CSMD2: variants seen among roughly 807,000 people sequenced by gnomAD.
CSMD2 encodes the protein CUB and Sushi multiple domains 2, also known as CUB and sushi domain-containing protein 2.
Under a neutral mutation model 398.5 loss-of-function variants are expected in CSMD2, and 130 were observed. The observed-to-expected ratio is 0.33, with a 90% confidence interval of 0.28 to 0.38. The LOEUF (loss-of-function observed/expected upper bound fraction) is 0.38, where lower values mean the gene tolerates loss of function less well. Among genes scored for constraint, CSMD2 ranks in the 10% least tolerant of loss-of-function variants. The pLI is 1.00. For synonymous variants in CSMD2, 1,828 were observed against 1,908.5 expected (o/e 0.96, Z 1.10); for missense variants, 3,829 against 4,764.9 (o/e 0.80, Z 5.78).
intron 56 of CSMD2, among the ~76,000 whole-genome samples, chr1:33,548,804 A>T (rs1657152451): frequency 6.7e-6 from 1 of 148,540 alleles, no homozygotes; most frequent in South Asian, 2.2e-4. Flanking sequence ...GAGGCTGGAG[A>T]GGCAATGTAC....
intron 15 of CSMD2, among the ~76,000 whole-genome samples, chr1:33,737,452 CTTA>C (rs1646920187): frequency 6.6e-6 from 1 of 152,186 alleles, no homozygotes; most frequent in Admixed American, 6.5e-5. Flanking sequence ...ATGGCCAACA[CTTA>C]TTGAGTGTTA....
At chr1:33,553,441 C>T (rs554592472) in intron 55 of CSMD2, among the ~76,000 whole-genome samples, 2 of 152,310 alleles carry the variant, frequency 1.3e-5, no homozygotes, top group African/African-American at 4.8e-5. Flanking sequence ...GACTGCTACA[C>T]CAACTGGCCA....
At chr1:33,646,877 A>C (rs368117115) in intron 28 of CSMD2, 42 bp from the exon 29 acceptor site, 2 of 1,565,628 alleles carry the variant, frequency 1.3e-6, no homozygotes. Flanking sequence ...ACTAAGGTCA[A>C]ATAAAGGCTT....
intron 5 of CSMD2, among the ~76,000 whole-genome samples, chr1:33,859,037 T>C (rs1639299982): frequency 6.6e-6 from 1 of 152,218 alleles, no homozygotes. Context: ...GTCTTCTTCA[T>C]TAACACAAGC....
intron 64 of CSMD2, among the ~76,000 whole-genome samples, chr1:33,530,591 A>T (rs1199615559): frequency 2.0e-5 from 3 of 152,204 alleles, no homozygotes; most frequent in African/African-American, 7.2e-5. Flanking sequence ...ACCATTATGG[A>T]GTATATATCC....
chr1:34,085,378 CAATAATAATAAT>C (rs60890896), intron 2 of CSMD2, among the ~76,000 whole-genome samples: 6 of 149,224 alleles, frequency 4.0e-5, no homozygotes, highest in African/African-American at 1.2e-4. Flanking sequence ...CTTAAAAGTA[CAATAATAATAAT>C]AATAATAATA....
chr1:33,580,610 A>C, intron 48 of CSMD2, 143 bp downstream of exon 48: 1 of 762,568 alleles, frequency 1.3e-6, no homozygotes. Context: ...GGAATAGAAA[A>C]ATAGGAGGTA....
At chr1:33,917,452 C>T (rs182423485) in intron 5 of CSMD2, among the ~76,000 whole-genome samples, 1 of 152,198 alleles carries the variant, frequency 6.6e-6, no homozygotes, top group African/African-American at 2.4e-5. Flanking sequence ...TCAATTTGAG[C>T]ACATCCTGCA....
intron 62 of CSMD2, among the ~76,000 whole-genome samples, chr1:33,534,687 G>C (rs1655595535): frequency 6.6e-6 from 1 of 152,202 alleles, no homozygotes; most frequent in Admixed American, 6.5e-5. Flanking sequence ...ATGTGCAAAT[G>C]CAATGTGTAA....
chr1:33,895,825 T>C (rs1642351710), intron 5 of CSMD2, among the ~76,000 whole-genome samples: 1 of 152,146 alleles, frequency 6.6e-6, no homozygotes, highest in South Asian at 2.1e-4. Context: ...CAGCCAGGTC[T>C]TTCTGGGTTA....
intron 60 of CSMD2, 152 bp downstream of exon 60, chr1:33,540,373 C>T: frequency 4.3e-6 from 3 of 705,674 alleles, no homozygotes; most frequent in South Asian, 3.9e-5. Flanking sequence ...CTTTCCACTT[C>T]CTTCCCTCTT....
At chr1:33,725,776 T>C (rs2149206561) in intron 16 of CSMD2, among the ~76,000 whole-genome samples, 1 of 152,274 alleles carries the variant, frequency 6.6e-6, no homozygotes, top group Admixed American at 6.5e-5. Context: ...GCCTGATCTG[T>C]GAGCCAGCTT....
At position 33,633,377 on chromosome 1, in the gene CSMD2, G is replaced by A; in HGVS notation, c.5200+45C>T. The A allele has an allele frequency of 7.1e-7, 1 of 1,408,024 alleles. No individual in the cohort carries two copies. Among genetic ancestry groups the A allele is most frequent in the Non-Finnish European group, 9.8e-7 (1 of 1,017,646 alleles). The allele number at this position is 1,408,024 out of a possible 1,614,324, so 87.2% of individuals were successfully genotyped here. A position where few individuals can be genotyped will look rare whatever the true frequency, so the allele number is the denominator to read the frequency against. Reference sequence around the variant, plus strand: ...CCTCCTTCCTTTAGCCGGACGTGATGCCCCCGGCCCACAACCATCCCCACA... The same window carrying A: ...CCTCCTTCCTTTAGCCGGACGTGATACCCCCGGCCCACAACCATCCCCACA... On this transcript the variant is annotated intron_variant, in intron 32 of 70. Coordinates refer to ENST00000373381, the MANE Select transcript of CSMD2 (RefSeq NM_001281956.2). The surrounding 1 kb of genome is among the most constrained non-coding windows in gnomAD (Gnocchi z 5.0).
intron 5 of CSMD2, among the ~76,000 whole-genome samples, chr1:33,908,816 G>C (rs965977837): frequency 6.6e-6 from 1 of 152,164 alleles, no homozygotes; most frequent in Non-Finnish European, 1.5e-5. Context: ...ACTGCTCCGC[G>C]GCAGAGCTTG....
intron 15 of CSMD2, among the ~76,000 whole-genome samples, chr1:33,737,992 C>A (rs1204194317): frequency 6.6e-6 from 1 of 151,982 alleles, no homozygotes; most frequent in South Asian, 2.1e-4. Flanking sequence ...CCAGCTTGGG[C>A]CCCTCTCACT....
intron 13 of CSMD2, among the ~76,000 whole-genome samples, chr1:33,757,990 T>G (rs1275269120): frequency 6.6e-6 from 1 of 152,238 alleles, no homozygotes; most frequent in African/African-American, 2.4e-5. Context: ...ACTCACAAAT[T>G]CTTTTGCTGT....
intron 13 of CSMD2, among the ~76,000 whole-genome samples, chr1:33,760,632 CATAT>C (rs911561661): frequency 2.0e-5 from 3 of 152,114 alleles, no homozygotes; most frequent in Non-Finnish European, 4.4e-5. Context: ...TCTTTCCCCT[CATAT>C]ATAAAAATGG....
At chr1:33,730,499 A>C (rs1646683882) in intron 15 of CSMD2, among the ~76,000 whole-genome samples, 1 of 152,180 alleles carries the variant, frequency 6.6e-6, no homozygotes, top group Admixed American at 6.5e-5. Flanking sequence ...AGCAGAGTGA[A>C]ATAAATGAAT....
At chr1:34,115,871 T>C (rs705217) in intron 1 of CSMD2, among the ~76,000 whole-genome samples, 115 of 151,826 alleles carry the variant, frequency 7.6e-4, no homozygotes, top group East Asian at 9.7e-4. Context: ...TGAGGCTTAT[T>C]ATCAGTCTAA....
Sources: gnomAD v4.1 joint callset for allele counts (sites outside exome capture counted in the v4.1 genomes callset) on GRCh38, gnomAD v4.1.1 for gene constraint, Gnocchi (gnomAD v3.1) non-coding constraint, MANE v1.5 for transcripts, NCBI Gene and HGNC (gene_info 2026-07-23, HGNC 2026-07-21) for gene names.